TMEM245: variants seen among roughly 807,000 people sequenced by gnomAD.
The protein encoded by TMEM245 is protein CG-2.
Under a neutral mutation model 101.2 loss-of-function variants are expected in TMEM245, and 69 were observed. The ratio of observed to expected loss-of-function variants is 0.68; its 90% CI spans 0.56 to 0.83. The LOEUF is 0.83. TMEM245 is among the 40% of genes least tolerant of loss of function. The pLI is 0.00. For missense variants in TMEM245, 1,075 were observed against 1,092.8 expected (o/e 0.98, Z 0.23); for synonymous variants, 537 against 449.8 (o/e 1.19, Z -2.45).
chr9:109,061,582 T>C (rs1021528244), intron 10 of TMEM245, among the ~76,000 whole-genome samples: 1 of 152,170 alleles, frequency 6.6e-6, no homozygotes, highest in African/African-American at 2.4e-5. Flanking sequence ...CTTCTTTTTT[T>C]TTGAGATAGA....
chr9:109,106,543 G>A lies in TMEM245; in HGVS notation c.764C>T (p.Thr255Ile). The change falls in exon 3 of 18, where the codon ACC becomes ATC. Residue 255 changes from threonine (T) to isoleucine (I), a missense_variant. Coordinates refer to ENST00000374586, the MANE Select transcript of TMEM245 (RefSeq NM_032012.4). ...LVIVFLMSVG[T>I]LYEKQNGKES... ...TTTTCCATTCTGTTTTTCATAGAGG[G>A]TACCCACAGACATCAGGAAAACAAT... 2.5e-6 allele frequency: 4 copies of A among 1,611,656 alleles called. No individual in the cohort carries two copies. The highest frequency in any genetic ancestry group is 3.4e-6 in the Non-Finnish European group (4 of 1,178,590).
At chr9:109,037,625 C>T (rs1828171353) in intron 15 of TMEM245, among the ~76,000 whole-genome samples, 1 of 152,182 alleles carries the variant, frequency 6.6e-6, no homozygotes, top group Admixed American at 6.5e-5. Context: ...GACATGCCTG[C>T]TTCCCCCTTA....
chr9:109,119,310 C>T, intron 1 of TMEM245, 25 bp downstream of exon 1: 1 of 1,515,796 alleles, frequency 6.6e-7, no homozygotes, highest in Non-Finnish European at 8.8e-7. Flanking sequence ...GGGCGGGGGA[C>T]GGGGGCGGAC....
At chr9:109,080,119 C>G (rs1446841431) in intron 8 of TMEM245, among the ~76,000 whole-genome samples, 1 of 152,010 alleles carries the variant, frequency 6.6e-6, no homozygotes, top group Non-Finnish European at 1.5e-5. Context: ...TCTATGGGAA[C>G]TAAAGGAATA....
chr9:109,050,630 AGTGACAGTG>A lies in TMEM245; in HGVS notation c.1908_1916del (p.Val638_Thr640del). 3.7e-6 allele frequency: 6 copies of A among 1,613,762 alleles called. No homozygotes were observed. The highest frequency in any genetic ancestry group is 5.1e-6 in the Non-Finnish European group (6 of 1,179,956). ...TGTAGAAGAGGATGGTCAAGAGTGT[AGTGACAGTG>A]GTGAACAGCAGGCTCACATTCCGGC... On this transcript the variant is annotated inframe_deletion, in exon 13 of 18. Transcript: ENST00000374586.
At chr9:109,100,436 T>A (rs1830255495) in intron 3 of TMEM245, among the ~76,000 whole-genome samples, 1 of 152,094 alleles carries the variant, frequency 6.6e-6, no homozygotes, top group Non-Finnish European at 1.5e-5. Context: ...CAATCCTCCA[T>A]CTTCAACCCT....
chr9:109,113,379 A>G (rs1830622822), intron 1 of TMEM245, among the ~76,000 whole-genome samples: 1 of 152,228 alleles, frequency 6.6e-6, no homozygotes, highest in Non-Finnish European at 1.5e-5. Context: ...TTCAAGTGTG[A>G]ATTTTATTCC....
intron 17 of TMEM245, among the ~76,000 whole-genome samples, chr9:109,032,556 T>G (rs551948064): frequency 4.8e-4 from 72 of 149,916 alleles, no homozygotes; most frequent in African/African-American, 1.6e-3. Flanking sequence ...GGCTAATTTT[T>G]GGGGTATTTT....
chr9:109,068,205 A>G (rs1564189816), intron 9 of TMEM245, among the ~76,000 whole-genome samples: 1 of 151,898 alleles, frequency 6.6e-6, no homozygotes, highest in Non-Finnish European at 1.5e-5. Context: ...ATCTCTACTA[A>G]AAATACAAAA....
intron 1 of TMEM245, among the ~76,000 whole-genome samples, chr9:109,111,321 T>A (rs1014664127): frequency 6.6e-6 from 1 of 152,100 alleles, no homozygotes; most frequent in Non-Finnish European, 1.5e-5. Context: ...TGAACAGAGA[T>A]GACAAAGTAA....
chr9:109,065,557 T>A (rs1034216037), intron 9 of TMEM245, among the ~76,000 whole-genome samples: 1 of 152,212 alleles, frequency 6.6e-6, no homozygotes, highest in Non-Finnish European at 1.5e-5. Flanking sequence ...CAAGGAACTA[T>A]AGCCCACAGC....
At chr9:109,115,878 T>A (rs1302481246) in intron 1 of TMEM245, among the ~76,000 whole-genome samples, 3 of 152,150 alleles carry the variant, frequency 2.0e-5, no homozygotes, top group Admixed American at 6.6e-5. Context: ...GAAAACTTTT[T>A]AAAAATCCTT....
intron 8 of TMEM245, among the ~76,000 whole-genome samples, chr9:109,074,743 C>G (rs931543398): frequency 7.2e-5 from 11 of 152,158 alleles, no homozygotes; most frequent in African/African-American, 2.4e-4. Context: ...CAGAACAGAA[C>G]AGAGTCTAGA....
intron 14 of TMEM245, among the ~76,000 whole-genome samples, chr9:109,043,071 A>G (rs1227615727): frequency 1.3e-5 from 2 of 152,148 alleles, no homozygotes; most frequent in Admixed American, 6.5e-5. Context: ...TAAATAACCT[A>G]TAATACTGAG....
chr9:109,083,899 T>TAAAAAA (rs1829745048), intron 7 of TMEM245, among the ~76,000 whole-genome samples: 1 of 2,010 alleles, frequency 5.0e-4, no homozygotes, highest in Non-Finnish European at 1.1e-3. Context: ...CTACTAAAAA[T>TAAAAAA]ACAAAAAAAA....
rs1489026377 is a variant in TMEM245 at position 109,036,253 on chromosome 9, G to A, written c.2352C>T (p.Leu784=). Residue 784 remains leucine (L), a synonymous_variant, in exon 16 of 18, where the codon CTC becomes CTT. Transcript: ENST00000374586. ...CAGTATCTACAAAGTATGTTGGCAAGAGATGAAAAATCAACAGTAAAATGG... is the reference window on the plus strand; with the variant it reads ...CAGTATCTACAAAGTATGTTGGCAAAAGATGAAAAATCAACAGTAAAATGG... ...CKAILLLIFH[L]LPTYFVDTAI... The A allele has an allele frequency of 1.2e-6, 2 of 1,613,538 alleles. No individual in the cohort carries two copies. The highest frequency in any genetic ancestry group is 1.7e-6 in the Non-Finnish European group (2 of 1,179,936).
intron 6 of TMEM245, among the ~76,000 whole-genome samples, 170 bp from the exon 7 acceptor site, chr9:109,086,190 G>A (rs7031485): frequency 0.15 from 22,285 of 152,100 alleles, 1,867 homozygotes; most frequent in African/African-American, 0.2. Flanking sequence ...TAAAATCAAC[G>A]GAATGTAGTA....
intron 10 of TMEM245, among the ~76,000 whole-genome samples, chr9:109,062,986 A>C (rs1829060359): frequency 6.6e-6 from 1 of 152,152 alleles, no homozygotes; most frequent in Non-Finnish European, 1.5e-5. Flanking sequence ...AAGAAAAAAA[A>C]AACTACACAT....
At position 109,033,518 on chromosome 9, in the gene TMEM245, G is replaced by A. The variant is rs368809130; in HGVS notation, c.2400-17C>T. The A allele has an allele frequency of 8.3e-5, 129 of 1,556,596 alleles. No individual in the cohort carries two copies. The highest frequency in any genetic ancestry group is 5.5e-4 in the African/African-American group (40 of 72,606). On this transcript the variant is annotated splice_polypyrimidine_tract_variant and intron_variant, in intron 16 of 17. Transcript: ENST00000374586. ...TGGCCACCTCTGGAATAAAGAGCAC[G>A]ACCTTTAACACACAAAAACTGGAAA...
Sources: gnomAD v4.1 joint callset for allele counts (sites outside exome capture counted in the v4.1 genomes callset) on GRCh38, gnomAD v4.1.1 for gene constraint, MANE v1.5 for transcripts, NCBI Gene and HGNC (gene_info 2026-07-23, HGNC 2026-07-21) for gene names.